The following PNPLA1 variants were observed in gnomAD, a reference collection of about 807,000 sequenced individuals.
The protein encoded by PNPLA1 is omega-hydroxyceramide transacylase.
Under a neutral mutation model 51.7 loss-of-function variants are expected in PNPLA1, and 36 were observed. The ratio of observed to expected loss-of-function variants is 0.70; its 90% CI spans 0.53 to 0.92. The LOEUF is 0.92. Ranked by LOEUF, PNPLA1 falls within the 40% of genes least tolerant of loss-of-function variation. The pLI is 0.00. For synonymous variants in PNPLA1, 293 were observed against 280.1 expected, an observed-to-expected ratio of 1.05 and a Z score of -0.46; for missense variants, 658 against 682.5, an observed-to-expected ratio of 0.96 and a Z score of 0.40.
intron 1 of PNPLA1, among the ~76,000 whole-genome samples, chr6:36,285,539 C>T (rs966641028): frequency 1.3e-5 from 2 of 152,282 alleles, no homozygotes; most frequent in Middle Eastern, 3.4e-3. Flanking sequence ...GGAAGAGAAG[C>T]CTTCTGTTTT....
At chr6:36,299,524 C>T (rs1302470210) in intron 5 of PNPLA1, among the ~76,000 whole-genome samples, 3 of 151,922 alleles carry the variant, frequency 2.0e-5, no homozygotes, top group African/African-American at 4.8e-5. Flanking sequence ...TTAGTAGAGA[C>T]GGGGTTTCGC....
chr6:36,248,828 A>G (rs1051457381), intron 1 of PNPLA1, among the ~76,000 whole-genome samples: 1 of 152,130 alleles, frequency 6.6e-6, no homozygotes, highest in Non-Finnish European at 1.5e-5. Flanking sequence ...CAACTTTTCA[A>G]TTTAAGCAAA....
rs373626111 is a variant in PNPLA1, at chr6:36,291,583, C to T, written c.438+31C>T. 5.6e-5 allele frequency: 3 copies of T among 53,618 alleles called. No individual in the cohort carries two copies. In the Admixed American group the frequency reaches 1.3e-3, roughly 22 times the overall value. 3.3% of individuals were successfully genotyped at this position (53,618 alleles called of 1,614,324 possible). On this transcript the variant is annotated intron_variant, in intron 2 of 8. Coordinates refer to ENST00000636260, the MANE Select transcript of PNPLA1 (RefSeq NM_001374623.1). ...GGGGCTGGGCTGGGAGGGAGGGACA[C>T]GGAGGGGGCGGGGGAGGGCGGCTCC...
At chr6:36,268,024 T>C (rs1400648023), upstream of PNPLA1, among the ~76,000 whole-genome samples, 1 of 152,148 alleles carries the variant, frequency 6.6e-6, no homozygotes, top group East Asian at 1.9e-4. Context: ...CTTGTCTTCC[T>C]GCAGCTGCCA....
At position 36,307,626 on chromosome 6, in the gene PNPLA1, CT is replaced by C; in HGVS notation, c.1511del (p.Phe504SerfsTer68). On this transcript the variant is annotated frameshift_variant, in exon 8 of 9. Transcript: ENST00000636260. LOFTEE classifies it high-confidence loss of function. ...AEDSNWVNKV[F>X]KKNKQKTSGT... is the part of the protein sequence containing the mutation. ...AAGACTCAAACTGGGTGAATAAGGT[CT>C]TCAAGAAGAACAAGCAAAAGACAAG... 1 of 1,613,810 alleles carries C rather than the reference CT, an allele frequency of 6.2e-7. No homozygotes were observed. The highest frequency in any genetic ancestry group is 1.3e-5 in the African/African-American group (1 of 74,974).
At chr6:36,307,379 C>T (rs1394792267) in intron 7 of PNPLA1, among the ~76,000 whole-genome samples, 1 of 152,026 alleles carries the variant, frequency 6.6e-6, no homozygotes, top group Admixed American at 6.6e-5. Flanking sequence ...CTATAAAAGT[C>T]GGAGTTTCAT....
intron 1 of PNPLA1, among the ~76,000 whole-genome samples, chr6:36,244,311 C>A (rs1008899277): frequency 1.3e-5 from 2 of 151,932 alleles, no homozygotes; most frequent in African/African-American, 4.8e-5. Flanking sequence ...ATATTCAATT[C>A]ATATATAAAT....
At chr6:36,297,174 C>A (rs192240744) in intron 5 of PNPLA1, among the ~76,000 whole-genome samples, 2 of 152,274 alleles carry the variant, frequency 1.3e-5, no homozygotes, top group Admixed American at 6.5e-5. Flanking sequence ...GGAATCACTC[C>A]AAGTAGGAAC....
At chr6:36,282,212 GGGAA>G (rs147876798) in intron 1 of PNPLA1, among the ~76,000 whole-genome samples, 22 of 108,728 alleles carry the variant, frequency 2.0e-4, no homozygotes, top group South Asian at 6.7e-4. Context: ...AAGGAAGGAA[GGGAA>G]GGAAGGAAGG....
Position 36,262,395 on chromosome 6 carries a change from A to G in PNPLA1, c.-81+19134A>G, listed in dbSNP as rs143993622. Among the ~76,000 whole-genome samples the G allele has an allele frequency of 3.3e-5, 5 of 152,292 alleles. No individual in the cohort carries two copies. The East Asian group carries it at 5.8e-4, about 18-fold the overall frequency. On this transcript the variant is annotated intron_variant, in intron 1 of 7. Transcript: ENST00000312917. ...CTCCTGCCCCATTTCTAATAATTCA[A>G]TTTCTTCATAGCTATTGGAACAAAA...
intron 1 of PNPLA1, among the ~76,000 whole-genome samples, chr6:36,264,225 G>A (rs189982445): frequency 1.2e-3 from 186 of 152,300 alleles, no homozygotes; most frequent in African/African-American, 4.2e-3. Context: ...CAGGGCCAAG[G>A]AAGGATGTAC....
At chr6:36,250,924 G>A (rs1370757536) in intron 1 of PNPLA1, among the ~76,000 whole-genome samples, 3 of 152,122 alleles carry the variant, frequency 2.0e-5, no homozygotes, top group South Asian at 2.1e-4. Flanking sequence ...GGATGGTCTC[G>A]ATCTCCTGAC....
chr6:36,303,707 C>T (rs1771146014), intron 6 of PNPLA1, among the ~76,000 whole-genome samples: 1 of 152,184 alleles, frequency 6.6e-6, no homozygotes, highest in Non-Finnish European at 1.5e-5. Flanking sequence ...TGGTGCATGC[C>T]TGTAATCCCA....
intron 1 of PNPLA1, among the ~76,000 whole-genome samples, chr6:36,260,849 G>A (rs185354481): frequency 6.6e-4 from 101 of 152,166 alleles, no homozygotes; most frequent in African/African-American, 1.8e-3. Context: ...AGGAGGGTGC[G>A]GGCTCTGTCA....
chr6:36,282,713 T>G (rs1284728578), intron 1 of PNPLA1, among the ~76,000 whole-genome samples: 1 of 152,114 alleles, frequency 6.6e-6, no homozygotes, highest in Non-Finnish European at 1.5e-5. Flanking sequence ...TGAGACAGAG[T>G]CTTGCTCTGT....
At chr6:36,291,799 C>T (rs1443921018) in intron 2 of PNPLA1, among the ~76,000 whole-genome samples, 1 of 152,332 alleles carries the variant, frequency 6.6e-6, no homozygotes, top group African/African-American at 2.4e-5. Context: ...TCCTGCCCGG[C>T]CCCCTGCGCT....
At chr6:36,268,935 T>C (rs765245722), upstream of PNPLA1, among the ~76,000 whole-genome samples, 2 of 150,772 alleles carry the variant, frequency 1.3e-5, no homozygotes, top group Non-Finnish European at 3.0e-5. Context: ...CCCAGCAGTA[T>C]GCCTCAGATA....
chr6:36,266,506 G>T (rs1769763948), upstream of PNPLA1, among the ~76,000 whole-genome samples: 1 of 152,188 alleles, frequency 6.6e-6, no homozygotes, highest in African/African-American at 2.4e-5. Flanking sequence ...TTTTATCAAG[G>T]AGGGAAATCT....
chr6:36,277,735 G>A (rs1231816477), intron 1 of PNPLA1, among the ~76,000 whole-genome samples: 1 of 152,232 alleles, frequency 6.6e-6, no homozygotes, highest in African/African-American at 2.4e-5. Flanking sequence ...GTGGTGACCT[G>A]TCCCTATAGT....
Sources: allele counts gnomAD v4.1 joint callset (sites outside exome capture counted in the v4.1 genomes callset), GRCh38; gene constraint gnomAD v4.1.1; transcripts MANE v1.5; gene names NCBI Gene and HGNC (gene_info 2026-07-23, HGNC 2026-07-21).